The following SHOC1 variants were observed in gnomAD, a reference collection of about 807,000 sequenced individuals.
SHOC1 encodes protein shortage in chiasmata 1 ortholog.
A neutral mutation model predicts 179.2 loss-of-function variants in SHOC1; 136 were observed. The observed-to-expected ratio is 0.76, with a 90% confidence interval of 0.66 to 0.87. SHOC1 has a LOEUF of 0.87. Among genes scored for constraint, SHOC1 ranks in the 40% least tolerant of loss-of-function variants. The probability of loss-of-function intolerance (pLI) is 0.00; values close to 1 mark genes in which losing one functional copy is unlikely to be tolerated. For synonymous variants in SHOC1, 489 were observed against 586.6 expected (o/e 0.83, Z 2.41); for missense variants, 1,538 against 1,700.8 (o/e 0.90, Z 1.68).
In SHOC1 at chr9:111,784,016, G is replaced by A. The variant is rs565871574; in HGVS notation, c.169+1896C>T. Among the ~76,000 whole-genome samples the A allele has an allele frequency of 5.9e-5, 9 of 152,322 alleles. No individual in the cohort carries two copies. The East Asian group carries it at 1.7e-3, about 29-fold the overall frequency. On this transcript the variant is annotated intron_variant, in intron 3 of 27. Coordinates refer to ENST00000682961, the MANE Select transcript of SHOC1 (RefSeq NM_001378211.1). ...ACATCCTGTTTTGTGGGTGGGGGAA[G>A]ACTGGCACAGAGAGTAGGCTGTTCT...
intron 3 of SHOC1, chr9:111,781,227 A>G: frequency 1.9e-6 from 1 of 522,080 alleles, no homozygotes; most frequent in Non-Finnish European, 3.5e-6. Context: ...AGTTAGAACA[A>G]TATCACCTGA....
At chr9:111,792,398 A>C (rs576912519) in intron 1 of SHOC1, among the ~76,000 whole-genome samples, 2 of 152,264 alleles carry the variant, frequency 1.3e-5, no homozygotes, top group South Asian at 4.2e-4. Flanking sequence ...CTTGGTCAAC[A>C]TGATGTAAAA....
intron 24 of SHOC1, among the ~76,000 whole-genome samples, chr9:111,696,795 A>C (rs764564697): frequency 2.6e-5 from 4 of 152,242 alleles, no homozygotes; most frequent in African/African-American, 7.2e-5. Context: ...GGAAGAGAAG[A>C]AGCTAAATAA....
intron 24 of SHOC1, among the ~76,000 whole-genome samples, chr9:111,695,148 A>G (rs1831632149): frequency 6.6e-6 from 1 of 151,826 alleles, no homozygotes; most frequent in Non-Finnish European, 1.5e-5. Flanking sequence ...TTTAAATTTG[A>G]TTGAAGGAAA....
chr9:111,780,928 A>G lies in SHOC1; in HGVS notation c.257+2T>C. 6.2e-7 allele frequency: 1 copy of G among 1,607,392 alleles called. No individual in the cohort carries two copies. The highest frequency in any genetic ancestry group is 8.5e-7 in the Non-Finnish European group (1 of 1,174,474). On this transcript the variant is annotated splice_donor_variant, in intron 4 of 27. Coordinates refer to ENST00000682961, the MANE Select transcript of SHOC1 (RefSeq NM_001378211.1). LOFTEE classifies it high-confidence loss of function. ...GAGAAATTTGAGATTAAGGATACAT[A>G]CTTCTCAAGGAAATCCTCCACAAAG...
At chr9:111,765,507 T>C (rs1835314450) in intron 5 of SHOC1, among the ~76,000 whole-genome samples, 1 of 151,832 alleles carries the variant, frequency 6.6e-6, no homozygotes, top group South Asian at 2.1e-4. Flanking sequence ...CAAGAATCAC[T>C]TGAACCCAGG....
chr9:111,710,587 C>T (rs1832497972), intron 18 of SHOC1, among the ~76,000 whole-genome samples: 1 of 151,846 alleles, frequency 6.6e-6, no homozygotes, highest in Non-Finnish European at 1.5e-5. Context: ...GATCTGAATC[C>T]CCCAAAAGCA....
chr9:111,729,836 G>T (rs1833483717), intron 12 of SHOC1, among the ~76,000 whole-genome samples: 2 of 150,912 alleles, frequency 1.3e-5, no homozygotes, highest in Admixed American at 6.6e-5. Context: ...AGGGTACAGT[G>T]AGCCAAGATC....
At chr9:111,756,883 T>C (rs556195562) in intron 7 of SHOC1, among the ~76,000 whole-genome samples, 4 of 152,286 alleles carry the variant, frequency 2.6e-5, no homozygotes, top group African/African-American at 9.6e-5. Flanking sequence ...ATGGAGTATG[T>C]TTCTCTTTCA....
chr9:111,690,757 TA>T (rs1831390084), intron 27 of SHOC1, among the ~76,000 whole-genome samples: 1 of 152,158 alleles, frequency 6.6e-6, no homozygotes, highest in Non-Finnish European at 1.5e-5. Context: ...ATCCAAGCAT[TA>T]CAAGTCCTGT....
At chr9:111,713,205 G>A (rs1427128219) in intron 17 of SHOC1, 33 bp from the exon 18 acceptor site, 4 of 1,161,640 alleles carry the variant, frequency 3.4e-6, no homozygotes, top group South Asian at 1.4e-5. Context: ...TATATATGTG[G>A]ATGATTATTC....
chr9:111,781,064 A>T, intron 3 of SHOC1, 47 bp from the exon 4 acceptor site: 5 of 1,323,838 alleles, frequency 3.8e-6, no homozygotes, highest in Non-Finnish European at 5.3e-6. Flanking sequence ...TTTCTTTTAC[A>T]CTTAATTCAA....
intron 2 of SHOC1, among the ~76,000 whole-genome samples, chr9:111,786,503 A>ATTTTTT (rs34413616): frequency 2.7e-5 from 3 of 110,270 alleles, no homozygotes; most frequent in African/African-American, 1.1e-4. Context: ...TGCTCTGCAG[A>ATTTTTT]TTTTTTTTTT....
intron 3 of SHOC1, among the ~76,000 whole-genome samples, chr9:111,783,967 C>T (rs942334159): frequency 4.6e-5 from 7 of 151,740 alleles, no homozygotes; most frequent in Non-Finnish European, 7.4e-5. Context: ...GATCAAAGGA[C>T]GTGCTAGGCT....
Position 111,780,929 on chromosome 9 carries a change from C to G in SHOC1, c.257+1G>C. On this transcript the variant is annotated splice_donor_variant, in intron 4 of 27. Transcript: ENST00000682961. LOFTEE classifies it high-confidence loss of function. ...AGAAATTTGAGATTAAGGATACATA[C>G]TTCTCAAGGAAATCCTCCACAAAGA... The G allele has an allele frequency of 6.2e-7, 1 of 1,607,748 alleles. No homozygotes were observed. Among genetic ancestry groups the G allele is most frequent in the Non-Finnish European group, 8.5e-7 (1 of 1,174,804 alleles).
At chr9:111,730,051 A>G (rs1577872) in intron 12 of SHOC1, among the ~76,000 whole-genome samples, 122,100 of 152,130 alleles carry the variant, frequency 0.8, 49,191 homozygotes, top group East Asian at 0.92. Context: ...TTGCCCATCC[A>G]TAAGAAACAA....
At chr9:111,734,282 A>G (rs967565532) in intron 12 of SHOC1, among the ~76,000 whole-genome samples, 5 of 152,190 alleles carry the variant, frequency 3.3e-5, no homozygotes, top group African/African-American at 1.2e-4. Flanking sequence ...AATATGTTTT[A>G]TTTTAATCTC....
At chr9:111,705,151 T>A in intron 21 of SHOC1, 96 bp downstream of exon 21, 1 of 354,478 alleles carries the variant, frequency 2.8e-6, no homozygotes, top group African/African-American at 2.5e-5. Flanking sequence ...GCATAATATT[T>A]AGCCTATCAG....
intron 23 of SHOC1, among the ~76,000 whole-genome samples, chr9:111,700,364 C>T (rs560555277): frequency 1.4e-4 from 21 of 145,692 alleles, no homozygotes; most frequent in Admixed American, 8.2e-4. Flanking sequence ...AACTAGAATA[C>T]TCCATCCCCC....
Sources: allele counts gnomAD v4.1 joint callset (sites outside exome capture counted in the v4.1 genomes callset), GRCh38; gene constraint gnomAD v4.1.1; transcripts MANE v1.5; gene names NCBI Gene and HGNC (gene_info 2026-07-23, HGNC 2026-07-21).